Variants in FXYD6 observed in about 807,000 individuals in gnomAD.
FXYD6 encodes FXYD domain-containing ion transport regulator 6.
Under a neutral mutation model 16.7 loss-of-function variants are expected in FXYD6, and 7 were observed. That is an observed-to-expected ratio of 0.42 (90% CI 0.24 to 0.79). The LOEUF (loss-of-function observed/expected upper bound fraction) is 0.79, where lower values mean the gene tolerates loss of function less well. FXYD6 is among the 30% of genes least tolerant of loss of function. The pLI is 0.28. For synonymous variants in FXYD6, 49 were observed against 43.0 expected, an observed-to-expected ratio of 1.14 and a Z score of -0.54; for missense variants, 111 against 116.2, an observed-to-expected ratio of 0.95 and a Z score of 0.21.
intron 7 of FXYD6, 72 bp downstream of exon 7, chr11:117,839,709 C>A (rs1272795690): frequency 6.3e-7 from 1 of 1,593,140 alleles, no homozygotes; most frequent in Admixed American, 1.7e-5. Flanking sequence ...TCCTTCCCGC[C>A]TGAACCCCTG....
In FXYD6 at chr11:117,855,646, C is replaced by T. The variant is rs141260581; in HGVS notation, c.-5-12865G>A. Among the ~76,000 whole-genome samples the T allele has an allele frequency of 6.1e-3, 933 of 152,124 alleles. 9 individuals carry two copies. Among genetic ancestry groups the T allele is most frequent in the African/African-American group, 0.022 (901 of 41,498 alleles). ...GGTGGTGAAAAATCTCAGTTCCGGG[C>T]GAGAGATTCTAAGGAGTAGATGGAA... On this transcript the variant is annotated intron_variant, in intron 1 of 7. Transcript: ENST00000526014.
chr11:117,867,734 G>A (rs889199737), intron 1 of FXYD6, among the ~76,000 whole-genome samples: 1 of 151,790 alleles, frequency 6.6e-6, no homozygotes, highest in African/African-American at 2.4e-5. Context: ...CTCTAACTGC[G>A]TGCCTTTGTA....
intron 1 of FXYD6, among the ~76,000 whole-genome samples, chr11:117,869,568 C>A (rs1256309182): frequency 6.6e-6 from 1 of 152,196 alleles, no homozygotes; most frequent in African/African-American, 2.4e-5. Flanking sequence ...GCAAAACTCT[C>A]TTGTCATATA....
At chr11:117,874,329 G>T (rs1039083470) in intron 1 of FXYD6, among the ~76,000 whole-genome samples, 1 of 152,158 alleles carries the variant, frequency 6.6e-6, no homozygotes. Flanking sequence ...GGCGCCTACC[G>T]TCTGTCAACC....
At chr11:117,866,844 C>T (rs2057023876) in intron 1 of FXYD6, among the ~76,000 whole-genome samples, 1 of 152,208 alleles carries the variant, frequency 6.6e-6, no homozygotes, top group Non-Finnish European at 1.5e-5. Context: ...TACTAGCCGG[C>T]AGCCTTTCAC....
chr11:117,857,331 T>C (rs2056755752), intron 1 of FXYD6, among the ~76,000 whole-genome samples: 1 of 152,102 alleles, frequency 6.6e-6, no homozygotes, highest in African/African-American at 2.4e-5. Context: ...AGCATGGATC[T>C]GTGTTGTGTA....
At chr11:117,874,563 C>T (rs2057212628) in intron 1 of FXYD6, among the ~76,000 whole-genome samples, 1 of 152,240 alleles carries the variant, frequency 6.6e-6, no homozygotes. Context: ...TTTCCCTCCC[C>T]TTCCTGCCTC....
At chr11:117,845,392 T>C (rs559936994) in intron 1 of FXYD6, among the ~76,000 whole-genome samples, 2 of 152,388 alleles carry the variant, frequency 1.3e-5, no homozygotes, top group African/African-American at 4.8e-5. Context: ...GTCTTAAAAA[T>C]ATATTTAACA....
intron 1 of FXYD6, among the ~76,000 whole-genome samples, chr11:117,844,532 T>C (rs2056429952): frequency 6.6e-6 from 1 of 152,176 alleles, no homozygotes. Context: ...TCTCCCTGTG[T>C]CGCCCAGGCT....
chr11:117,875,952 G>A (rs1222416250), intron 1 of FXYD6, among the ~76,000 whole-genome samples: 3 of 152,158 alleles, frequency 2.0e-5, no homozygotes, highest in Non-Finnish European at 2.9e-5. Flanking sequence ...GGGGAAAGGG[G>A]GCAATGGCGG....
At chr11:117,856,948 A>G (rs2056741374) in intron 1 of FXYD6, among the ~76,000 whole-genome samples, 1 of 152,174 alleles carries the variant, frequency 6.6e-6, no homozygotes, top group Admixed American at 6.5e-5. Flanking sequence ...TGGGCAGAAC[A>G]GGGCTGGCAG....
In FXYD6 at chr11:117,841,420, A is replaced by T. The variant is rs1023195246; in HGVS notation, c.173-236T>A. The T allele has an allele frequency of 5.0e-6, 3 of 597,500 alleles. No individual in the cohort carries two copies. The African/African-American group carries it at 5.6e-5, about 11-fold the overall frequency. The allele number at this position is 597,500 out of a possible 1,614,324, so 37.0% of individuals were successfully genotyped here. Reference sequence around the variant, plus strand: ...AGCCCTCTTGATCATGTGAGTAAAGAGGGATCTGTGCAGATCAGGCTCATG... The same window carrying T: ...AGCCCTCTTGATCATGTGAGTAAAGTGGGATCTGTGCAGATCAGGCTCATG... On this transcript the variant is annotated intron_variant, in intron 4 of 7. Coordinates refer to ENST00000526014, the MANE Select transcript of FXYD6 (RefSeq NM_022003.4).
At chr11:117,858,631 TTTTC>T (rs758256700) in intron 1 of FXYD6, among the ~76,000 whole-genome samples, 4,824 of 105,532 alleles carry the variant, frequency 0.046, 171 homozygotes, top group Middle Eastern at 0.056. Flanking sequence ...TCATTTTCTT[TTTTC>T]TTTCTTTCTT....
intron 1 of FXYD6, among the ~76,000 whole-genome samples, chr11:117,850,392 A>ACTTAAT (rs2056579661): frequency 6.6e-6 from 1 of 152,106 alleles, no homozygotes; most frequent in African/African-American, 2.4e-5. Flanking sequence ...TTATGTAGTG[A>ACTTAAT]TCCTCCCTGT....
At chr11:117,865,433 A>T (rs903661187) in intron 1 of FXYD6, among the ~76,000 whole-genome samples, 1 of 152,276 alleles carries the variant, frequency 6.6e-6, no homozygotes, top group Admixed American at 6.5e-5. Context: ...TAGCAGCATT[A>T]TTCACAATAG....
chr11:117,875,563 A>C (rs1399426053), intron 1 of FXYD6, among the ~76,000 whole-genome samples: 1 of 152,134 alleles, frequency 6.6e-6, no homozygotes, highest in Non-Finnish European at 1.5e-5. Flanking sequence ...CCATAATATG[A>C]GGGTGGCTGG....
intron 1 of FXYD6, among the ~76,000 whole-genome samples, chr11:117,852,394 G>A (rs2056630038): frequency 6.6e-6 from 1 of 152,258 alleles, no homozygotes; most frequent in Non-Finnish European, 1.5e-5. Context: ...TTGAAAGGTA[G>A]TTTGGCTATG....
At chr11:117,868,213 G>A (rs955140395) in intron 1 of FXYD6, among the ~76,000 whole-genome samples, 18 of 152,280 alleles carry the variant, frequency 1.2e-4, no homozygotes, top group African/African-American at 3.9e-4. Context: ...CTGGCTGATG[G>A]TTTGGTATGT....
intron 1 of FXYD6, among the ~76,000 whole-genome samples, chr11:117,856,895 T>A (rs2056740369): frequency 6.6e-6 from 1 of 152,100 alleles, no homozygotes; most frequent in South Asian, 2.1e-4. Context: ...GAACATGCAT[T>A]TCCCACTCTT....
Sources: gnomAD v4.1 joint callset for allele counts (sites outside exome capture counted in the v4.1 genomes callset) on GRCh38, gnomAD v4.1.1 for gene constraint, MANE v1.5 for transcripts, NCBI Gene and HGNC (gene_info 2026-07-23, HGNC 2026-07-21) for gene names.